The following PDGFD variants were observed in gnomAD, a reference collection of about 807,000 sequenced individuals.
The protein encoded by PDGFD is platelet-derived growth factor D.
Under a neutral mutation model 44.7 loss-of-function variants are expected in PDGFD, and 30 were observed. The observed-to-expected ratio is 0.67, with a 90% confidence interval of 0.50 to 0.91. PDGFD has a LOEUF of 0.91. Ranked by LOEUF, PDGFD falls within the 40% of genes least tolerant of loss-of-function variation. The pLI is 0.00. For synonymous variants in PDGFD, 173 were observed against 168.4 expected (o/e 1.03, Z -0.21); for missense variants, 445 against 457.8 (o/e 0.97, Z 0.25).
intron 1 of PDGFD, among the ~76,000 whole-genome samples, chr11:104,137,470 ATAGAAAATTTATCGTATTGTTTC>A (rs1862024485): frequency 6.6e-6 from 1 of 152,212 alleles, no homozygotes; most frequent in African/African-American, 2.4e-5. Context: ...ATGCCTACGA[ATAGAAAATTTATCGTATTGTTTC>A]TAGAATAAAA....
In PDGFD at chr11:104,097,649, A is replaced by C. The variant is rs530256836; in HGVS notation, c.124+66155T>G. Among the ~76,000 whole-genome samples, 4 of 152,296 alleles carry C rather than the reference A, an allele frequency of 2.6e-5. No individual in the cohort carries two copies. The South Asian group carries it at 8.3e-4, about 32-fold the overall frequency. On this transcript the variant is annotated intron_variant, in intron 1 of 6. Coordinates refer to ENST00000393158, the MANE Select transcript of PDGFD (RefSeq NM_025208.5). ...AATAACTTATATTTGTAGTATATGA[A>C]TTGCCTTCTGCAGTTGTGCTAAGTG...
intron 1 of PDGFD, among the ~76,000 whole-genome samples, chr11:104,084,032 T>C (rs1050332191): frequency 2.6e-5 from 4 of 152,228 alleles, no homozygotes; most frequent in African/African-American, 9.6e-5. Flanking sequence ...GCCTGTGAGT[T>C]ACCACGCACT....
intron 1 of PDGFD, among the ~76,000 whole-genome samples, chr11:104,124,844 C>G (rs1474123243): frequency 2.6e-5 from 4 of 151,944 alleles, no homozygotes; most frequent in Admixed American, 6.6e-5. Flanking sequence ...AGAGTCCAGA[C>G]AAGTCAGTAA....
In PDGFD at chr11:104,109,228, T is replaced by G. The variant is rs540900308; in HGVS notation, c.124+54576A>C. Reference sequence around the variant, plus strand: ...AAAAAAAAAGAATGCATAACTAACATCATGTAGTACAAAGAACACAAGTGA... The same window carrying G: ...AAAAAAAAAGAATGCATAACTAACAGCATGTAGTACAAAGAACACAAGTGA... On this transcript the variant is annotated intron_variant, in intron 1 of 6. Transcript: ENST00000393158. 2.8e-4 allele frequency among the ~76,000 whole-genome samples: 42 copies of G among 151,982 alleles called. No individual in the cohort carries two copies. In the South Asian group the frequency reaches 6.0e-3, roughly 22 times the overall value.
At chr11:104,095,091 C>T (rs7947946) in intron 1 of PDGFD, among the ~76,000 whole-genome samples, 9,341 of 152,116 alleles carry the variant, frequency 0.061, 342 homozygotes, top group African/African-American at 0.1. Context: ...CCTTATTCAC[C>T]TCCACTTACC....
intron 5 of PDGFD, among the ~76,000 whole-genome samples, chr11:103,932,464 A>G (rs1217650875): frequency 2.0e-5 from 3 of 152,200 alleles, no homozygotes; most frequent in Admixed American, 2.0e-4. Flanking sequence ...TCCAATTACA[A>G]TGTGTTTATT....
intron 3 of PDGFD, among the ~76,000 whole-genome samples, chr11:103,989,828 G>C (rs1012889237): frequency 6.6e-6 from 1 of 151,996 alleles, no homozygotes; most frequent in Non-Finnish European, 1.5e-5. Context: ...ACTTTTTATT[G>C]AGCACCTTTT....
intron 1 of PDGFD, among the ~76,000 whole-genome samples, chr11:104,111,431 T>C (rs1861556007): frequency 6.6e-6 from 1 of 151,878 alleles, no homozygotes; most frequent in Non-Finnish European, 1.5e-5. Context: ...CCTAGGTAAA[T>C]TTTTTCTGTA....
chr11:104,113,920 T>A (rs143325104), intron 1 of PDGFD, among the ~76,000 whole-genome samples: 145 of 152,210 alleles, frequency 9.5e-4, no homozygotes, highest in Admixed American at 3.3e-3. Context: ...GAGGTGTCTG[T>A]TAAGGTTTTG....
chr11:104,070,888 G>A (rs1376481229), intron 1 of PDGFD, among the ~76,000 whole-genome samples: 1 of 152,080 alleles, frequency 6.6e-6, no homozygotes. Context: ...TGTTGGAGTT[G>A]CATGTTCAGA....
intron 1 of PDGFD, among the ~76,000 whole-genome samples, chr11:104,006,137 C>A (rs1469490637): frequency 1.3e-5 from 2 of 152,108 alleles, no homozygotes; most frequent in African/African-American, 2.4e-5. Flanking sequence ...CCATCTAGAC[C>A]AATGGTTTGC....
intron 3 of PDGFD, among the ~76,000 whole-genome samples, chr11:103,965,023 A>C (rs989913000): frequency 6.6e-6 from 1 of 151,760 alleles, no homozygotes; most frequent in Non-Finnish European, 1.5e-5. Context: ...TTCTTTCAAC[A>C]TAAGATCAAT....
intron 4 of PDGFD, among the ~76,000 whole-genome samples, chr11:103,944,175 A>G (rs976893214): frequency 2.6e-5 from 4 of 152,168 alleles, no homozygotes; most frequent in African/African-American, 9.6e-5. Context: ...TAGCACTTTC[A>G]CCAACTTATT....
At chr11:103,915,431 A>G (rs1048655669) in intron 6 of PDGFD, among the ~76,000 whole-genome samples, 32 of 152,186 alleles carry the variant, frequency 2.1e-4, no homozygotes, top group African/African-American at 7.7e-4. Context: ...CAAACCACTG[A>G]TCAAGGAAAT....
rs201809029 is a variant in PDGFD at position 104,037,161 on chromosome 11, A to G, written c.125-36906T>C. ...CCAGCTCCCGTCCACAGCACCCTGG[A>G]CAGCAGCAGCAGCGCACACCCGCTG... is the stretch of plus-strand genomic sequence containing the variant. On this transcript the variant is annotated intron_variant, in intron 1 of 6. Transcript: ENST00000393158. The G allele has an allele frequency of 9.9e-6, 16 of 1,613,706 alleles. No homozygotes were observed. In the African/African-American group the frequency reaches 1.7e-4, roughly 17 times the overall value.
At chr11:104,117,094 T>C (rs1565339593) in intron 1 of PDGFD, among the ~76,000 whole-genome samples, 2 of 152,138 alleles carry the variant, frequency 1.3e-5, no homozygotes, top group Middle Eastern at 3.4e-3. Flanking sequence ...AGTCAATCAA[T>C]GTGATACACC....
intron 1 of PDGFD, among the ~76,000 whole-genome samples, chr11:104,117,363 T>C (rs1213119315): frequency 1.3e-5 from 2 of 151,944 alleles, no homozygotes; most frequent in African/African-American, 4.8e-5. Flanking sequence ...TTCAACATAG[T>C]ACTGGAAGTC....
Position 103,947,705 on chromosome 11 carries a change from G to A in PDGFD, c.530C>T (p.Ala177Val). Reference sequence around the variant, plus strand: ...AGATTCCCAGTTGGTCTCTGAAGCTGCTGCGGGTTGGAAATCTTCCTGGAA... The same window carrying A: ...AGATTCCCAGTTGGTCTCTGAAGCTACTGCGGGTTGGAAATCTTCCTGGAA... ...YSLLEDFQPA[A>V]ASETNWESVT... Residue 177 changes from alanine (A) to valine (V), a missense_variant, in exon 4 of 7, where the codon GCA becomes GTA. Ala to Val is a moderately conservative substitution (Grantham distance 64). Coordinates refer to ENST00000393158, the MANE Select transcript of PDGFD (RefSeq NM_025208.5). 1 of 1,613,500 alleles carries A rather than the reference G, an allele frequency of 6.2e-7. No homozygotes were observed. The highest frequency in any genetic ancestry group is 8.5e-7 in the Non-Finnish European group (1 of 1,179,534).
At position 103,956,531 on chromosome 11, in the gene PDGFD, T is replaced by C. The variant is rs1332988261; in HGVS notation, c.511-8807A>G. ...GTACCACAATAAACATACGTGTGCA[T>C]GTGTCTTTATAGCAGCACGATTTAT... is the stretch of plus-strand genomic sequence containing the variant. On this transcript the variant is annotated intron_variant, in intron 3 of 6. Coordinates refer to ENST00000393158, the MANE Select transcript of PDGFD (RefSeq NM_025208.5). 2.0e-5 allele frequency among the ~76,000 whole-genome samples: 3 copies of C among 147,394 alleles called. No individual in the cohort carries two copies. In the East Asian group the frequency reaches 6.0e-4, roughly 29 times the overall value.
Sources: gnomAD v4.1 joint callset for allele counts (sites outside exome capture counted in the v4.1 genomes callset) on GRCh38, gnomAD v4.1.1 for gene constraint, MANE v1.5 for transcripts, NCBI Gene and HGNC (gene_info 2026-07-23, HGNC 2026-07-21) for gene names.